The following STXBP6 variants were observed in gnomAD, a reference collection of about 807,000 sequenced individuals.
STXBP6 encodes the protein syntaxin-binding protein 6.
Under a neutral mutation model 26.9 loss-of-function variants are expected in STXBP6, and 21 were observed. The ratio of observed to expected loss-of-function variants is 0.78; its 90% confidence interval spans 0.55 to 1.12. The LOEUF is 1.12. STXBP6 is among the 50% of genes most tolerant of loss of function. STXBP6 has a pLI of 0.00. For synonymous variants in STXBP6, 97 were observed against 92.6 expected, an observed-to-expected ratio of 1.05 and a Z score of -0.27; for missense variants, 232 against 257.9, an observed-to-expected ratio of 0.90 and a Z score of 0.69.
At chr14:24,990,311 G>A (rs1595265434) in intron 1 of STXBP6, among the ~76,000 whole-genome samples, 1 of 152,146 alleles carries the variant, frequency 6.6e-6, no homozygotes, top group East Asian at 1.9e-4. Context: ...GGGGAGAGTT[G>A]AGAAAGGCCC....
intron 2 of STXBP6, among the ~76,000 whole-genome samples, chr14:24,941,340 G>A (rs1190458286): frequency 6.6e-6 from 1 of 152,212 alleles, no homozygotes; most frequent in Non-Finnish European, 1.5e-5. Context: ...CAATGGGAGT[G>A]CAGAGGAGGC....
chr14:24,886,821 G>A (rs1326108574), intron 2 of STXBP6, among the ~76,000 whole-genome samples: 1 of 152,168 alleles, frequency 6.6e-6, no homozygotes, highest in Non-Finnish European at 1.5e-5. Context: ...TAACTAATAA[G>A]TAGATAAATC....
Position 25,049,981 on chromosome 14 carries a change from G to GGCTCCGT in STXBP6, c.-137_-136insACGGAGC. 1.4e-6 allele frequency: 1 copy of GGCTCCGT among 705,146 alleles called. No homozygotes were observed. Among genetic ancestry groups the GGCTCCGT allele is most frequent in the Non-Finnish European group, 1.7e-6 (1 of 573,898 alleles). The allele number at this position is 705,146 out of a possible 1,614,324, so 43.7% of individuals were successfully genotyped here. On this transcript the variant is annotated 5_prime_UTR_variant, in exon 1 of 6. Transcript: ENST00000323944. This position sits in a 1 kb window ranked among gnomAD's most constrained non-coding sequence, Gnocchi z 5.6. ...GCCCCGCGCGGGGCTCCGGGCTCCGGACAAGGCTTAGCCGGCCCGGGTGCT... is the reference window on the plus strand; with the variant it reads ...GCCCCGCGCGGGGCTCCGGGCTCCGGGCTCCGTACAAGGCTTAGCCGGCCCGGGTGCT...
At chr14:25,020,940 G>A (rs568455880) in intron 1 of STXBP6, among the ~76,000 whole-genome samples, 7 of 152,202 alleles carry the variant, frequency 4.6e-5, no homozygotes, top group Middle Eastern at 3.4e-3. Context: ...AAAGCCATAC[G>A]CAGGCAGATT....
chr14:24,901,596 C>G (rs1373643599), intron 2 of STXBP6, among the ~76,000 whole-genome samples: 1 of 152,086 alleles, frequency 6.6e-6, no homozygotes, highest in Non-Finnish European at 1.5e-5. Flanking sequence ...TTCATAATAA[C>G]CCAAAACTGG....
At chr14:24,822,368 T>C (rs2068160110) in intron 4 of STXBP6, among the ~76,000 whole-genome samples, 1 of 152,208 alleles carries the variant, frequency 6.6e-6, no homozygotes, top group Non-Finnish European at 1.5e-5. Context: ...ACACAATCTT[T>C]ACCACATCTA....
At chr14:24,886,948 CA>C (rs569271874) in intron 2 of STXBP6, among the ~76,000 whole-genome samples, 42 of 152,266 alleles carry the variant, frequency 2.8e-4, no homozygotes, top group African/African-American at 9.6e-4. Flanking sequence ...TGAACCCTCC[CA>C]AAAGAGTCAT....
At chr14:24,876,662 C>T (rs542939122) in intron 2 of STXBP6, among the ~76,000 whole-genome samples, 49 of 152,278 alleles carry the variant, frequency 3.2e-4, no homozygotes, top group South Asian at 6.2e-4. Context: ...CCTTGAGATA[C>T]GCTATCCATT....
chr14:24,940,589 T>C (rs2072765983), intron 2 of STXBP6, among the ~76,000 whole-genome samples: 1 of 152,198 alleles, frequency 6.6e-6, no homozygotes, highest in South Asian at 2.1e-4. Context: ...GGGTCTATTT[T>C]TATGCTGGTA....
At chr14:24,857,365 GC>G (rs1186500886) in intron 2 of STXBP6, among the ~76,000 whole-genome samples, 1 of 152,070 alleles carries the variant, frequency 6.6e-6, no homozygotes, top group African/African-American at 2.4e-5. Flanking sequence ...CCACTCTGAA[GC>G]AGTTTACAAT....
At chr14:25,021,730 A>T (rs922194826) in intron 1 of STXBP6, among the ~76,000 whole-genome samples, 6 of 152,058 alleles carry the variant, frequency 3.9e-5, no homozygotes, top group Non-Finnish European at 1.5e-5. Context: ...GTCCTCTTCT[A>T]CCTATTATTT....
chr14:24,901,822 T>C (rs1423199183), intron 2 of STXBP6, among the ~76,000 whole-genome samples: 1 of 151,952 alleles, frequency 6.6e-6, no homozygotes, highest in Non-Finnish European at 1.5e-5. Context: ...ACTATGGTGA[T>C]AAGAATCAGA....
rs1371307518 is a variant in STXBP6 at position 25,028,519 on chromosome 14, AT to A, written c.-33+21358del. ...GACTGACTGCTCAGAAAAAAAAAAAATCTTTTCAAAATATTACTGCTCATTG... is the reference window on the plus strand; with the variant it reads ...GACTGACTGCTCAGAAAAAAAAAAAACTTTTCAAAATATTACTGCTCATTG... On this transcript the variant is annotated intron_variant, in intron 1 of 5. Transcript: ENST00000323944. Among the ~76,000 whole-genome samples, 9 of 151,714 alleles carry A rather than the reference AT, an allele frequency of 5.9e-5. 1 individual carries two copies. The South Asian group carries it at 1.5e-3, about 25-fold the overall frequency.
intron 2 of STXBP6, among the ~76,000 whole-genome samples, chr14:24,894,502 C>A (rs537702625): frequency 3.3e-5 from 5 of 152,198 alleles, no homozygotes; most frequent in African/African-American, 1.2e-4. Flanking sequence ...GGGGGAGAAC[C>A]AGGAAAGGTC....
chr14:25,003,940 A>T (rs1048585627), intron 1 of STXBP6, among the ~76,000 whole-genome samples: 3 of 152,242 alleles, frequency 2.0e-5, no homozygotes, highest in Non-Finnish European at 4.4e-5. Context: ...TAAGTAACTC[A>T]TTCATTCATT....
intron 2 of STXBP6, among the ~76,000 whole-genome samples, chr14:24,903,264 C>T (rs1016385173): frequency 7.9e-5 from 12 of 152,060 alleles, no homozygotes; most frequent in Non-Finnish European, 1.3e-4. Flanking sequence ...TTCATTGAGA[C>T]AGTGGTGAGC....
At chr14:24,880,679 A>G (rs1326016770) in intron 2 of STXBP6, among the ~76,000 whole-genome samples, 1 of 152,250 alleles carries the variant, frequency 6.6e-6, no homozygotes, top group Non-Finnish European at 1.5e-5. Flanking sequence ...CATTAATACA[A>G]TAAAACAGAC....
intron 1 of STXBP6, among the ~76,000 whole-genome samples, chr14:24,984,156 C>A (rs1411710033): frequency 6.6e-6 from 1 of 151,982 alleles, no homozygotes; most frequent in East Asian, 1.9e-4. Flanking sequence ...CACTTGAACC[C>A]GGGAGGTGGA....
chr14:24,870,399 A>G (rs967222765), intron 2 of STXBP6, among the ~76,000 whole-genome samples: 6 of 152,200 alleles, frequency 3.9e-5, no homozygotes, highest in Non-Finnish European at 7.4e-5. Context: ...GACATAATTA[A>G]AGTTCACTTA....
Sources: gnomAD v4.1 joint callset for allele counts (sites outside exome capture counted in the v4.1 genomes callset) on GRCh38, gnomAD v4.1.1 for gene constraint, Gnocchi (gnomAD v3.1) non-coding constraint, MANE v1.5 for transcripts, NCBI Gene and HGNC (gene_info 2026-07-23, HGNC 2026-07-21) for gene names.